The following C12orf42 variants were observed in gnomAD, a reference collection of about 807,000 sequenced individuals.
C12orf42 encodes the protein uncharacterized protein C12orf42.
A neutral mutation model predicts 21.6 loss-of-function variants in C12orf42; 25 were observed. That is an observed-to-expected ratio of 1.16 (90% CI 0.84 to 1.62). The LOEUF (loss-of-function observed/expected upper bound fraction) is 1.62. Ranked by LOEUF, C12orf42 falls within the 40% of genes most tolerant of loss-of-function variation. C12orf42 has a pLI of 0.00. For synonymous variants in C12orf42, 174 were observed against 175.0 expected (o/e 0.99, Z 0.05); for missense variants, 483 against 459.3 (o/e 1.05, Z -0.47).
chr12:103,353,289 TAA>T (rs534030710), intron 4 of C12orf42, among the ~76,000 whole-genome samples: 1 of 127,232 alleles, frequency 7.9e-6, no homozygotes, highest in African/African-American at 2.9e-5. Context: ...TCCACTGGAT[TAA>T]AAAAAAAAAG....
At chr12:103,533,316 A>C in the C12orf42 span, among the ~76,000 whole-genome samples, 2 of 152,152 alleles carry the variant, frequency 1.3e-5, no homozygotes, top group South Asian at 2.1e-4. Flanking sequence ...TATTGCTAGT[A>C]CCCCAGAAGA....
At chr12:103,204,928 G>C in the C12orf42 span, among the ~76,000 whole-genome samples, 53,150 of 151,756 alleles carry the variant, frequency 0.35, 9,889 homozygotes, top group South Asian at 0.42. Context: ...CTAGGAAAAA[G>C]AGAAAGTTAA....
At chr12:103,099,671 AT>A in the C12orf42 span, among the ~76,000 whole-genome samples, 517 of 152,258 alleles carry the variant, frequency 3.4e-3, 3 homozygotes, top group Non-Finnish European at 5.8e-3. Context: ...AATATAAGGC[AT>A]TTTTCTTATG....
intron 4 of C12orf42, among the ~76,000 whole-genome samples, chr12:103,350,303 C>T (rs1396109079): frequency 6.6e-6 from 1 of 152,162 alleles, no homozygotes; most frequent in Admixed American, 6.5e-5. Context: ...TCCATCGCAC[C>T]TGAGAGGTGA....
intron 2 of C12orf42, among the ~76,000 whole-genome samples, chr12:103,429,956 T>C (rs1484638999): frequency 6.6e-6 from 1 of 152,146 alleles, no homozygotes; most frequent in African/African-American, 2.4e-5. Flanking sequence ...TTACACGTTA[T>C]ACAAAAATTA....
intron 3 of C12orf42, among the ~76,000 whole-genome samples, chr12:103,383,852 G>A (rs1028999270): frequency 2.6e-5 from 4 of 152,212 alleles, no homozygotes; most frequent in African/African-American, 9.6e-5. Flanking sequence ...CTAGTCCAGA[G>A]CAATGTAAGC....
intron 10 of C12orf42, among the ~76,000 whole-genome samples, chr12:103,258,113 C>A (rs1341391093): frequency 2.0e-5 from 3 of 151,996 alleles, no homozygotes; most frequent in Non-Finnish European, 4.4e-5. Context: ...TTAAAACAGA[C>A]TTTAGAGAAT....
intron 4 of C12orf42, among the ~76,000 whole-genome samples, chr12:103,326,840 A>G (rs912618231): frequency 6.6e-6 from 1 of 152,292 alleles, no homozygotes; most frequent in Admixed American, 6.5e-5. Context: ...ACTGCCTAAA[A>G]TTATATTTGT....
chr12:103,059,409 C>G, the C12orf42 span, among the ~76,000 whole-genome samples: 2 of 152,174 alleles, frequency 1.3e-5, no homozygotes, highest in South Asian at 4.1e-4. Context: ...AAAAGAGGAG[C>G]TGGTACCATT....
At chr12:103,467,817 C>A (rs1953266447) in intron 2 of C12orf42, among the ~76,000 whole-genome samples, 1 of 152,152 alleles carries the variant, frequency 6.6e-6, no homozygotes, top group Non-Finnish European at 1.5e-5. Context: ...TTACTAAAAA[C>A]CAAACTTCTT....
At chr12:103,555,170 C>T in the C12orf42 span, among the ~76,000 whole-genome samples, 23,191 of 151,994 alleles carry the variant, frequency 0.15, 2,024 homozygotes, top group Non-Finnish European at 0.18. Flanking sequence ...AGTCCATTTC[C>T]ATGTTGCTAA....
At chr12:103,239,698 G>T (rs1434894871) in intron 10 of C12orf42, among the ~76,000 whole-genome samples, 1 of 152,138 alleles carries the variant, frequency 6.6e-6, no homozygotes, top group African/African-American at 2.4e-5. Context: ...GTTGAGGGGG[G>T]CAAGGGTGGG....
chr12:103,236,926 G>T (rs1020716556), downstream of C12orf42, among the ~76,000 whole-genome samples: 1 of 152,104 alleles, frequency 6.6e-6, no homozygotes, highest in Non-Finnish European at 1.5e-5. Flanking sequence ...CTATAGACCT[G>T]GCAGATTCAG....
intron 2 of C12orf42, among the ~76,000 whole-genome samples, chr12:103,476,094 G>A (rs1353301375): frequency 6.6e-6 from 1 of 152,200 alleles, no homozygotes; most frequent in East Asian, 1.9e-4. Flanking sequence ...AAAGCAGGAA[G>A]TATGGAAAGA....
At chr12:103,455,953 A>T (rs2374075) in intron 2 of C12orf42, among the ~76,000 whole-genome samples, 120,147 of 151,802 alleles carry the variant, frequency 0.79, 47,905 homozygotes, top group East Asian at 0.87. Flanking sequence ...GAGTTCCATG[A>T]CACAGAACTC....
chr12:103,059,886 C>T, the C12orf42 span, among the ~76,000 whole-genome samples: 1 of 152,130 alleles, frequency 6.6e-6, no homozygotes, highest in Non-Finnish European at 1.5e-5. Flanking sequence ...ACTGAATGGG[C>T]AAAAGCTGGA....
At chr12:103,186,356 C>T in the C12orf42 span, among the ~76,000 whole-genome samples, 1 of 152,116 alleles carries the variant, frequency 6.6e-6, no homozygotes, top group African/African-American at 2.4e-5. Flanking sequence ...AGGAGTATTC[C>T]TTCTGTTAAT....
At chr12:103,127,411 A>G in the C12orf42 span, among the ~76,000 whole-genome samples, 4 of 152,244 alleles carry the variant, frequency 2.6e-5, no homozygotes, top group South Asian at 2.1e-4. Flanking sequence ...AAAATGGGCT[A>G]CAAAACTGTG....
At chr12:103,433,427 AG>A (rs1452224698) in intron 2 of C12orf42, among the ~76,000 whole-genome samples, 1 of 152,208 alleles carries the variant, frequency 6.6e-6, no homozygotes, top group African/African-American at 2.4e-5. Flanking sequence ...GACATATAAA[AG>A]GGGAAGAGGT....
Sources: gnomAD v4.1 joint callset for allele counts (sites outside exome capture counted in the v4.1 genomes callset) on GRCh38, gnomAD v4.1.1 for gene constraint, MANE v1.5 for transcripts, NCBI Gene and HGNC (gene_info 2026-07-23, HGNC 2026-07-21) for gene names.